Variants in GABPB1 observed in about 807,000 individuals in gnomAD.
GABPB1 encodes GA-binding protein subunit beta-1.
A neutral mutation model predicts 45.9 loss-of-function variants in GABPB1; 15 were observed. The observed-to-expected ratio is 0.33, with a 90% CI of 0.22 to 0.50. The LOEUF (loss-of-function observed/expected upper bound fraction) is 0.50. Ranked by LOEUF, GABPB1 falls within the 20% of genes least tolerant of loss-of-function variation. GABPB1 has a pLI of 0.98. For missense variants in GABPB1, 252 were observed against 457.5 expected (o/e 0.55, Z 4.10); for synonymous variants, 143 against 154.4 (o/e 0.93, Z 0.55).
chr15:50,289,675 A>G lies in GABPB1; in HGVS notation c.698-7T>C. On this transcript the variant is annotated splice_region_variant and splice_polypyrimidine_tract_variant and intron_variant, in intron 6 of 8. Transcript: ENST00000380877. ...ACTTCTTCTGTGGCCACTACTGGAA[A>G]AAAAAAAAAGAAAACTCAGCAAACA... 1 of 1,569,540 alleles carries G rather than the reference A, an allele frequency of 6.4e-7. No homozygotes were observed. The highest frequency in any genetic ancestry group is 8.6e-7 in the Non-Finnish European group (1 of 1,160,522).
At chr15:50,282,814 G>A (rs111781716) in intron 8 of GABPB1, among the ~76,000 whole-genome samples, 4 of 152,094 alleles carry the variant, frequency 2.6e-5, no homozygotes, top group Non-Finnish European at 4.4e-5. Context: ...CAGCACTCTG[G>A]GGGGCTGAAG....
At chr15:50,332,419 C>T (rs959616508) in intron 1 of GABPB1, among the ~76,000 whole-genome samples, 5 of 152,050 alleles carry the variant, frequency 3.3e-5, no homozygotes, top group African/African-American at 1.2e-4. Context: ...AATATGTAGA[C>T]CCTGTTTGGA....
At chr15:50,328,103 A>G (rs1423563619) in intron 1 of GABPB1, among the ~76,000 whole-genome samples, 1 of 152,030 alleles carries the variant, frequency 6.6e-6, no homozygotes, top group African/African-American at 2.4e-5. Flanking sequence ...ATTTTCAAAT[A>G]TAGAAAATAT....
At chr15:50,310,993 C>T (rs1356687541) in intron 1 of GABPB1, among the ~76,000 whole-genome samples, 1 of 147,690 alleles carries the variant, frequency 6.8e-6, no homozygotes, top group African/African-American at 2.5e-5. Flanking sequence ...AAAAAAAAAA[C>T]CAGGAAAGAA....
intron 2 of GABPB1, among the ~76,000 whole-genome samples, chr15:50,306,397 A>C (rs1262340400): frequency 6.6e-6 from 1 of 152,194 alleles, no homozygotes; most frequent in East Asian, 1.9e-4. Flanking sequence ...TGGGTGGCCA[A>C]GGCAGGTGGA....
intron 1 of GABPB1, among the ~76,000 whole-genome samples, chr15:50,312,197 G>A (rs377064619): frequency 6.6e-6 from 1 of 151,328 alleles, no homozygotes; most frequent in African/African-American, 2.4e-5. Context: ...ATTCAATCCA[G>A]CCTGGGCAAG....
intron 6 of GABPB1, among the ~76,000 whole-genome samples, chr15:50,290,839 T>TTCTGGCAGC (rs1001106190): frequency 1.3e-5 from 2 of 152,152 alleles, no homozygotes; most frequent in African/African-American, 4.8e-5. Context: ...TTAGAGAGGA[T>TTCTGGCAGC]TCTGGCAGCT....
intron 1 of GABPB1, among the ~76,000 whole-genome samples, chr15:50,339,490 C>T (rs906909107): frequency 4.7e-5 from 7 of 150,022 alleles, no homozygotes; most frequent in Non-Finnish European, 8.9e-5. Context: ...CAGAGTAAGA[C>T]TCCACCTTGG....
At chr15:50,305,970 G>A (rs1298251977) in intron 2 of GABPB1, among the ~76,000 whole-genome samples, 1 of 150,902 alleles carries the variant, frequency 6.6e-6, no homozygotes, top group Non-Finnish European at 1.5e-5. Context: ...AGCTTTTTGG[G>A]TTTTTTTTTA....
At chr15:50,282,418 T>G (rs1181265850) in intron 8 of GABPB1, 2 of 388,508 alleles carry the variant, frequency 5.1e-6, no homozygotes, top group South Asian at 3.8e-5. Flanking sequence ...AAAAATAAAC[T>G]TAGCCGGGTA....
In GABPB1 at chr15:50,339,918, G is replaced by A. The variant is rs8041345; in HGVS notation, c.-1+15067C>T. Among the ~76,000 whole-genome samples, 999 of 152,174 alleles carry A rather than the reference G, an allele frequency of 6.6e-3. 5 individuals are homozygous for A. The highest frequency in any genetic ancestry group is 0.023 in the African/African-American group (947 of 41,508). ...TCTTTACTTCCCAATTTAGAAATCT[G>A]GGAGTTATCTTCCACTCTTCCCTCT... On this transcript the variant is annotated intron_variant, in intron 1 of 8. Coordinates refer to ENST00000380877, the MANE Select transcript of GABPB1 (RefSeq NM_016654.5).
chr15:50,302,820 C>A (rs1031420300), intron 4 of GABPB1, 109 bp downstream of exon 4: 2 of 736,250 alleles, frequency 2.7e-6, no homozygotes, highest in Non-Finnish European at 4.3e-6. Flanking sequence ...TAACTAAGTC[C>A]AAAATGAAAG....
At chr15:50,300,433 T>C (rs1030971381) in intron 6 of GABPB1, among the ~76,000 whole-genome samples, 1 of 74,726 alleles carries the variant, frequency 1.3e-5, no homozygotes. Context: ...GCAACTGTTT[T>C]TGGTTTTTTT....
chr15:50,298,264 TC>T (rs897377778), intron 6 of GABPB1, among the ~76,000 whole-genome samples: 8 of 151,984 alleles, frequency 5.3e-5, no homozygotes, highest in African/African-American at 1.7e-4. Context: ...GCTAATTTTT[TC>T]TGTAGAGACA....
intron 1 of GABPB1, among the ~76,000 whole-genome samples, chr15:50,315,903 C>T (rs766364733): frequency 7.9e-5 from 12 of 152,054 alleles, no homozygotes; most frequent in Non-Finnish European, 1.5e-4. Context: ...GGTGAAACCC[C>T]GCCCATCTCT....
intron 6 of GABPB1, among the ~76,000 whole-genome samples, chr15:50,297,997 C>T (rs1371288158): frequency 6.6e-6 from 1 of 152,168 alleles, no homozygotes; most frequent in African/African-American, 2.4e-5. Context: ...ATTGGTGTGG[C>T]CATTTCATGG....
At chr15:50,313,687 A>T (rs548061910) in intron 1 of GABPB1, among the ~76,000 whole-genome samples, 1 of 152,264 alleles carries the variant, frequency 6.6e-6, no homozygotes, top group Non-Finnish European at 1.5e-5. Context: ...AACAACAAAA[A>T]ATTTATGCCA....
chr15:50,282,508 TGC>T, intron 8 of GABPB1: 5 of 199,232 alleles, frequency 2.5e-5, no homozygotes, highest in Non-Finnish European at 5.1e-5. Flanking sequence ...GAGCCATGAT[TGC>T]ACCACTGCAC....
intron 1 of GABPB1, among the ~76,000 whole-genome samples, chr15:50,313,949 G>A (rs1305415717): frequency 6.6e-6 from 1 of 152,024 alleles, no homozygotes; most frequent in Non-Finnish European, 1.5e-5. Flanking sequence ...TAGAGAGGAT[G>A]AGCGGAAAAA....
Sources: gnomAD v4.1 joint callset for allele counts (sites outside exome capture counted in the v4.1 genomes callset) on GRCh38, gnomAD v4.1.1 for gene constraint, MANE v1.5 for transcripts, NCBI Gene and HGNC (gene_info 2026-07-23, HGNC 2026-07-21) for gene names.